The following SUGCT variants were observed in gnomAD, a reference collection of about 807,000 sequenced individuals.
SUGCT encodes the protein succinyl-CoA:glutarate CoA-transferase.
A neutral mutation model predicts 55.0 loss-of-function variants in SUGCT; 41 were observed. That is an observed-to-expected ratio of 0.74 (90% CI 0.58 to 0.97). The LOEUF is 0.97. Ranked by LOEUF, SUGCT falls within the 50% of genes least tolerant of loss-of-function variation. The pLI, the probability that SUGCT is intolerant of heterozygous loss-of-function variation, is 0.00. For missense variants in SUGCT, 568 were observed against 547.8 expected (o/e 1.04, Z -0.37); for synonymous variants, 187 against 200.4 (o/e 0.93, Z 0.56).
At chr7:40,806,850 G>A (rs573154225) in intron 13 of SUGCT, among the ~76,000 whole-genome samples, 2 of 152,304 alleles carry the variant, frequency 1.3e-5, no homozygotes, top group South Asian at 2.1e-4. Context: ...GCTGCCCTGA[G>A]GATGAGGGAA....
At chr7:40,389,828 CAA>C (rs929700204) in intron 9 of SUGCT, among the ~76,000 whole-genome samples, 2 of 151,930 alleles carry the variant, frequency 1.3e-5, no homozygotes, top group African/African-American at 4.8e-5. Flanking sequence ...AGAGACACAA[CAA>C]AAAAAGAGAA....
intron 8 of SUGCT, among the ~76,000 whole-genome samples, chr7:40,280,374 G>A (rs1285229631): frequency 1.3e-5 from 2 of 152,138 alleles, no homozygotes; most frequent in Non-Finnish European, 2.9e-5. Context: ...AAGGAAGCGG[G>A]TTTGGATGTG....
chr7:40,858,105 G>A lies in SUGCT; in HGVS notation c.1154-2211G>A, dbSNP rs535260089. 1.4e-4 allele frequency among the ~76,000 whole-genome samples: 22 copies of A among 152,156 alleles called. No individual in the cohort carries two copies. In the South Asian group the frequency reaches 4.2e-3, roughly 29 times the overall value. On this transcript the variant is annotated intron_variant, in intron 13 of 13. Coordinates refer to ENST00000335693, the MANE Select transcript of SUGCT (RefSeq NM_001193313.2). ...AAGATGACTGACAGTCTACCCAAACGACAGGACCGTTGTGAGAACTGTATG... is the reference window on the plus strand; with the variant it reads ...AAGATGACTGACAGTCTACCCAAACAACAGGACCGTTGTGAGAACTGTATG...
chr7:40,860,584 T>TTTAG lies in SUGCT; in HGVS notation c.*106_*109dup. 1 of 1,214,794 alleles carries TTTAG rather than the reference T, an allele frequency of 8.2e-7. No individual in the cohort carries two copies. The highest frequency in any genetic ancestry group is 1.1e-6 in the Non-Finnish European group (1 of 902,066). The allele number at this position is 1,214,794 out of a possible 1,614,324, so 75.3% of individuals were successfully genotyped here. On this transcript the variant is annotated 3_prime_UTR_variant, in exon 14 of 14. Coordinates refer to ENST00000335693, the MANE Select transcript of SUGCT (RefSeq NM_001193313.2). ...AGTTCTGATACCACTAAAAAGAAGA[T>TTTAG]TTAGAGTAACTCCAGATTTCTTACA...
intron 7 of SUGCT, among the ~76,000 whole-genome samples, chr7:40,267,581 C>T (rs532580113): frequency 6.6e-6 from 1 of 152,068 alleles, no homozygotes; most frequent in South Asian, 2.1e-4. Context: ...CCCATTCATC[C>T]CAGAGTTAAG....
chr7:40,380,765 T>G (rs1180980051), intron 9 of SUGCT, among the ~76,000 whole-genome samples: 2 of 152,234 alleles, frequency 1.3e-5, no homozygotes, highest in Non-Finnish European at 2.9e-5. Context: ...ATTTGTGGTA[T>G]AGTTTGCTTA....
intron 9 of SUGCT, among the ~76,000 whole-genome samples, chr7:40,442,535 A>G (rs1788570662): frequency 2.0e-5 from 3 of 151,860 alleles, no homozygotes. Context: ...CAGTGATAAC[A>G]TATTATGTTT....
chr7:40,671,306 A>T (rs1801926338), intron 12 of SUGCT, among the ~76,000 whole-genome samples: 1 of 152,222 alleles, frequency 6.6e-6, no homozygotes, highest in East Asian at 1.9e-4. Flanking sequence ...CTCATTCATT[A>T]TAAGACTCTC....
intron 12 of SUGCT, among the ~76,000 whole-genome samples, chr7:40,606,317 G>A (rs1443711513): frequency 6.6e-6 from 1 of 152,196 alleles, no homozygotes; most frequent in Non-Finnish European, 1.5e-5. Flanking sequence ...AGGATGAGCT[G>A]AGAAAGGTTT....
intron 9 of SUGCT, among the ~76,000 whole-genome samples, chr7:40,357,784 C>G (rs1242935035): frequency 7.1e-6 from 1 of 140,084 alleles, no homozygotes; most frequent in Non-Finnish European, 1.6e-5. Flanking sequence ...TTTTAATCTT[C>G]TTTTGATTTT....
chr7:40,643,561 C>A (rs1011675737), intron 12 of SUGCT, among the ~76,000 whole-genome samples: 3 of 152,134 alleles, frequency 2.0e-5, no homozygotes, highest in Non-Finnish European at 4.4e-5. Context: ...TGTTTTGTAT[C>A]TGAAGAAAGA....
intron 7 of SUGCT, among the ~76,000 whole-genome samples, chr7:40,253,343 T>G (rs1790569381): frequency 6.6e-6 from 1 of 152,232 alleles, no homozygotes; most frequent in Admixed American, 6.5e-5. Flanking sequence ...TCACAGTGTT[T>G]CCAGTTACTC....
chr7:40,502,064 T>C (rs1398188175), intron 12 of SUGCT, among the ~76,000 whole-genome samples: 7 of 152,116 alleles, frequency 4.6e-5, no homozygotes, highest in Admixed American at 3.9e-4. Context: ...TACTATTTAG[T>C]AATTTTGAAA....
chr7:40,637,070 G>A (rs1023133264), intron 12 of SUGCT, among the ~76,000 whole-genome samples: 2 of 152,144 alleles, frequency 1.3e-5, no homozygotes, highest in Non-Finnish European at 2.9e-5. Flanking sequence ...CGAAAGGGGA[G>A]CTACTTTTAA....
chr7:40,676,690 A>C (rs934996098), intron 12 of SUGCT, among the ~76,000 whole-genome samples: 1 of 151,708 alleles, frequency 6.6e-6, no homozygotes, highest in African/African-American at 2.4e-5. Context: ...TTTAGTAGAG[A>C]CGGGGTTTCA....
intron 12 of SUGCT, among the ~76,000 whole-genome samples, chr7:40,738,112 G>T (rs999816273): frequency 1.3e-5 from 2 of 149,276 alleles, no homozygotes; most frequent in African/African-American, 5.0e-5. Flanking sequence ...CAGGAGAATC[G>T]CTTGAACTAG....
At chr7:40,663,126 G>T (rs1801415927) in intron 12 of SUGCT, among the ~76,000 whole-genome samples, 1 of 152,136 alleles carries the variant, frequency 6.6e-6, no homozygotes, top group East Asian at 1.9e-4. Context: ...CAGCACATTA[G>T]TAAACTATTT....
chr7:41,017,968 G>C, the SUGCT span, among the ~76,000 whole-genome samples: 1 of 151,284 alleles, frequency 6.6e-6, no homozygotes, highest in African/African-American at 2.4e-5. Context: ...GGAGACTGAT[G>C]CATGACTTCT....
chr7:40,531,417 G>A (rs569471732), intron 12 of SUGCT, among the ~76,000 whole-genome samples: 5 of 151,766 alleles, frequency 3.3e-5, no homozygotes, highest in Admixed American at 1.3e-4. Flanking sequence ...AGGAGTTATT[G>A]GATTTTTTTT....
Sources: gnomAD v4.1 joint callset for allele counts (sites outside exome capture counted in the v4.1 genomes callset) on GRCh38, gnomAD v4.1.1 for gene constraint, MANE v1.5 for transcripts, NCBI Gene and HGNC (gene_info 2026-07-23, HGNC 2026-07-21) for gene names.